The following THSD7B variants were observed in gnomAD, a reference collection of about 807,000 sequenced individuals.
The protein encoded by THSD7B is thrombospondin type-1 domain-containing protein 7B.
In THSD7B, 138 loss-of-function variants were observed where a neutral mutation model predicts 213.6. That is an observed-to-expected ratio of 0.65 (90% CI 0.56 to 0.74). THSD7B has a LOEUF of 0.74. THSD7B is among the 30% of genes least tolerant of loss of function. The probability of loss-of-function intolerance (pLI) is 0.00; values close to 1 mark genes in which losing one functional copy is unlikely to be tolerated. For missense variants in THSD7B, 1,931 were observed against 1,991.5 expected (o/e 0.97, Z 0.58); for synonymous variants, 742 against 687.0 (o/e 1.08, Z -1.25).
At chr2:137,390,897 A>T (rs539064218) in intron 12 of THSD7B, among the ~76,000 whole-genome samples, 2,531 of 152,030 alleles carry the variant, frequency 0.017, 70 homozygotes, top group African/African-American at 0.057. Flanking sequence ...ATCATGGTGT[A>T]TTTTTTGATG....
intron 15 of THSD7B, among the ~76,000 whole-genome samples, chr2:137,478,005 T>C (rs998083556): frequency 5.3e-5 from 8 of 152,160 alleles, no homozygotes; most frequent in African/African-American, 1.9e-4. Context: ...CTCTTGCTTT[T>C]TGTAGAATTC....
intron 2 of THSD7B, among the ~76,000 whole-genome samples, chr2:137,054,497 C>T (rs945115416): frequency 2.0e-5 from 3 of 152,190 alleles, no homozygotes; most frequent in African/African-American, 7.2e-5. Flanking sequence ...TAGTGTGTGG[C>T]CCCAGTGCAG....
intron 14 of THSD7B, among the ~76,000 whole-genome samples, chr2:137,413,490 C>T (rs537072768): frequency 2.5e-4 from 38 of 152,192 alleles, no homozygotes; most frequent in Admixed American, 3.3e-4. Flanking sequence ...GAAAATTTTT[C>T]GATAGACTTT....
chr2:137,321,747 G>A (rs1447475406), intron 12 of THSD7B, among the ~76,000 whole-genome samples: 1 of 152,052 alleles, frequency 6.6e-6, no homozygotes, highest in Non-Finnish European at 1.5e-5. Flanking sequence ...GGTGAGCAGT[G>A]CATCCCTTTC....
chr2:137,262,710 CCTGTTTT>C (rs1282143726), intron 10 of THSD7B, among the ~76,000 whole-genome samples: 1 of 152,096 alleles, frequency 6.6e-6, no homozygotes, highest in Non-Finnish European at 1.5e-5. Flanking sequence ...TGGTCTTTTT[CCTGTTTT>C]ACTTATTGGA....
intron 15 of THSD7B, among the ~76,000 whole-genome samples, chr2:137,554,067 CT>C (rs371279453): frequency 7.2e-4 from 109 of 150,436 alleles, no homozygotes; most frequent in African/African-American, 2.5e-3. Flanking sequence ...CAACTGATAC[CT>C]TTCAATGACA....
chr2:137,375,402 T>C (rs1215757612), intron 12 of THSD7B, among the ~76,000 whole-genome samples: 1 of 152,140 alleles, frequency 6.6e-6, no homozygotes, highest in Non-Finnish European at 1.5e-5. Context: ...ATCTTAGAGG[T>C]TAAATACCAT....
At chr2:137,128,174 A>G (rs1349761233) in intron 5 of THSD7B, among the ~76,000 whole-genome samples, 1 of 152,198 alleles carries the variant, frequency 6.6e-6, no homozygotes, top group Non-Finnish European at 1.5e-5. Context: ...GTTAGGATAT[A>G]CTATCAAATG....
At chr2:137,427,124 TAGTCAAAAAGTAACA>T (rs1318486415) in intron 14 of THSD7B, among the ~76,000 whole-genome samples, 1 of 152,060 alleles carries the variant, frequency 6.6e-6, no homozygotes, top group Non-Finnish European at 1.5e-5. Context: ...TTTTATTAAA[TAGTCAAAAAGTAACA>T]AATGTTGGTG....
intron 12 of THSD7B, among the ~76,000 whole-genome samples, chr2:137,286,942 T>A (rs932828005): frequency 2.0e-5 from 3 of 152,156 alleles, no homozygotes; most frequent in Admixed American, 6.5e-5. Context: ...ATGAACTCTC[T>A]GTCCAAATCA....
chr2:136,877,926 T>C (rs1388422376), intron 1 of THSD7B, among the ~76,000 whole-genome samples: 1 of 150,434 alleles, frequency 6.6e-6, no homozygotes, highest in East Asian at 1.9e-4. Context: ...TCTTTTCTTG[T>C]TTTTTTAATT....
intron 2 of THSD7B, among the ~76,000 whole-genome samples, chr2:137,010,861 T>A (rs1686217974): frequency 6.6e-6 from 1 of 152,166 alleles, no homozygotes. Flanking sequence ...TCTCTCACTA[T>A]CTAATTTCAA....
chr2:137,026,445 G>A (rs752885381), intron 2 of THSD7B, among the ~76,000 whole-genome samples: 5 of 152,124 alleles, frequency 3.3e-5, no homozygotes, highest in Non-Finnish European at 5.9e-5. Flanking sequence ...CTTCTTGCTC[G>A]TAAAACTTTG....
Position 137,138,218 on chromosome 2 carries a change from A to G in THSD7B, c.1370-21995A>G, listed in dbSNP as rs74968216. 2.9e-3 allele frequency among the ~76,000 whole-genome samples: 437 copies of G among 152,256 alleles called. 1 individual carries two copies. Among genetic ancestry groups the G allele is most frequent in the African/African-American group, 0.01 (419 of 41,548 alleles). On this transcript the variant is annotated intron_variant, in intron 5 of 27. Transcript: ENST00000409968. ...TTGGAATATGAAGGATTTTTTTGTGAAAAATTCTTTCATTTATTTTGAGTA... is the reference window on the plus strand; with the variant it reads ...TTGGAATATGAAGGATTTTTTTGTGGAAAATTCTTTCATTTATTTTGAGTA...
chr2:137,103,223 G>A (rs904455483), intron 4 of THSD7B, among the ~76,000 whole-genome samples: 7 of 152,078 alleles, frequency 4.6e-5, no homozygotes, highest in Non-Finnish European at 8.8e-5. Flanking sequence ...AGAGAGTGGG[G>A]GCCAATATTC....
rs72975610 is a variant in THSD7B at position 137,289,813 on chromosome 2, T to A, written c.2500+13787T>A. 6.2e-3 allele frequency among the ~76,000 whole-genome samples: 929 copies of A among 149,716 alleles called. 13 individuals are homozygous for A. Among genetic ancestry groups the A allele is most frequent in the African/African-American group, 0.022 (903 of 40,682 alleles). On this transcript the variant is annotated intron_variant, in intron 12 of 27. Coordinates refer to ENST00000409968, the MANE Select transcript of THSD7B (RefSeq NM_001316349.2). ...GAAGAAAAAAGAGAAAAAAAAAGAG[T>A]GGGGTAAATATACTGAAGGTGTTCG...
chr2:136,968,136 A>G lies in THSD7B; in HGVS notation c.139+85819A>G, dbSNP rs111485119. On this transcript the variant is annotated intron_variant, in intron 2 of 27. Coordinates refer to ENST00000409968, the MANE Select transcript of THSD7B (RefSeq NM_001316349.2). ...GATTGTGTGGGATTTGTATTTTAGA[A>G]TGCACTGACTGGGCATGTATATCTT... Among the ~76,000 whole-genome samples, 1,042 of 152,252 alleles carry G rather than the reference A, an allele frequency of 6.8e-3. 11 individuals are homozygous for G. The highest frequency in any genetic ancestry group is 0.023 in the African/African-American group (967 of 41,542).
intron 12 of THSD7B, among the ~76,000 whole-genome samples, chr2:137,321,408 A>G (rs1016237840): frequency 2.0e-5 from 3 of 152,220 alleles, no homozygotes; most frequent in Admixed American, 6.5e-5. Context: ...AGTCACGCAC[A>G]TGCATTCTTA....
rs139444794 is a variant in THSD7B at position 136,915,270 on chromosome 2, CAGTT to C, written c.139+32958_139+32961del. Among the ~76,000 whole-genome samples, 1,232 of 152,248 alleles carry C rather than the reference CAGTT, an allele frequency of 8.1e-3. 21 individuals carry two copies. The highest frequency in any genetic ancestry group is 0.028 in the African/African-American group (1,176 of 41,536). ...AAATCCTTTCCAAAGCAAAGTGAAA[CAGTT>C]AGTTTTTCAGAGCGTAGAAATAATC... On this transcript the variant is annotated intron_variant, in intron 2 of 27. Coordinates refer to ENST00000409968, the MANE Select transcript of THSD7B (RefSeq NM_001316349.2).
Sources: gnomAD v4.1 joint callset for allele counts (sites outside exome capture counted in the v4.1 genomes callset) on GRCh38, gnomAD v4.1.1 for gene constraint, MANE v1.5 for transcripts, NCBI Gene and HGNC (gene_info 2026-07-23, HGNC 2026-07-21) for gene names.